ESCO2: variants seen among roughly 807,000 people sequenced by gnomAD.
ESCO2 encodes the protein N-acetyltransferase ESCO2.
In ESCO2, 51 loss-of-function variants were observed where a neutral mutation model predicts 61.7. The ratio of observed to expected loss-of-function variants is 0.83; its 90% CI spans 0.66 to 1.04. The LOEUF (loss-of-function observed/expected upper bound fraction) is 1.04, where lower values mean the gene tolerates loss of function less well. Ranked by LOEUF, ESCO2 falls within the 50% of genes least tolerant of loss-of-function variation. ESCO2 has a pLI of 0.00. For missense variants in ESCO2, 692 were observed against 686.2 expected, an observed-to-expected ratio of 1.01 and a Z score of -0.09; for synonymous variants, 230 against 238.2, an observed-to-expected ratio of 0.97 and a Z score of 0.32.
At chr8:27,784,662 C>G (rs1212392195) in intron 5 of ESCO2, among the ~76,000 whole-genome samples, 1 of 152,066 alleles carries the variant, frequency 6.6e-6, no homozygotes, top group Non-Finnish European at 1.5e-5. Flanking sequence ...GCTACCAGTA[C>G]CCAAGCTAAA....
chr8:27,780,066 C>T, intron 3 of ESCO2, 108 bp from the exon 4 acceptor site: 1 of 731,960 alleles, frequency 1.4e-6, no homozygotes, highest in East Asian at 2.5e-5. Context: ...AAATGTAATT[C>T]ATAATAAACC....
At chr8:27,772,415 G>T, upstream of ESCO2, 1 of 1,222,760 alleles carries the variant, frequency 8.2e-7, no homozygotes, top group African/African-American at 1.5e-5. Flanking sequence ...CATCCAGAAG[G>T]CATTTTAGAG....
At chr8:27,774,098 A>T (rs533076004), upstream of ESCO2, among the ~76,000 whole-genome samples, 1 of 152,332 alleles carries the variant, frequency 6.6e-6, no homozygotes, top group East Asian at 1.9e-4. Context: ...AGTTACTAAT[A>T]AAAAAAGTGA....
chr8:27,777,770 G>T (rs1252976035), intron 3 of ESCO2: 1 of 152,318 alleles, frequency 6.6e-6, no homozygotes, highest in South Asian at 2.1e-4. Flanking sequence ...CCTTAAGAGA[G>T]GTTGTCTCCA....
chr8:27,803,505 A>C lies in ESCO2; in HGVS notation c.*67A>C. On this transcript the variant is annotated 3_prime_UTR_variant, in exon 11 of 11. Transcript: ENST00000305188. The stretch of plus-strand genomic sequence containing the variant: ...CAAAGAGCTCCTTATTATAAAATAC[A>C]AACTATTTAATATCAAAATAAAAAA... 6.3e-7 allele frequency: 1 copy of C among 1,575,430 alleles called. No individual in the cohort carries two copies. Among genetic ancestry groups the C allele is most frequent in the East Asian group, 2.4e-5 (1 of 42,248 alleles).
At chr8:27,775,012 T>TG (rs1324320541) in intron 1 of ESCO2, among the ~76,000 whole-genome samples, 4 of 152,170 alleles carry the variant, frequency 2.6e-5, no homozygotes, top group Admixed American at 2.0e-4. Flanking sequence ...TGTGCTGCTT[T>TG]GGGGGGAATT....
intron 5 of ESCO2, among the ~76,000 whole-genome samples, chr8:27,786,616 C>T (rs911711913): frequency 1.3e-5 from 2 of 152,184 alleles, no homozygotes; most frequent in African/African-American, 2.4e-5. Context: ...AATAGTGTAT[C>T]TCTCACACAG....
downstream of ESCO2, among the ~76,000 whole-genome samples, chr8:27,816,687 T>C (rs73570371): frequency 0.017 from 2,661 of 152,124 alleles, 63 homozygotes; most frequent in African/African-American, 0.054. Context: ...GAATACTATA[T>C]TTTAGTTGTG....
At chr8:27,776,306 T>G in intron 2 of ESCO2, 56 bp from the exon 3 acceptor site, 1 of 1,431,880 alleles carries the variant, frequency 7.0e-7, no homozygotes, top group Non-Finnish European at 9.6e-7. Flanking sequence ...AGCAGTAGAT[T>G]TATGTAAATT....
intron 7 of ESCO2, 113 bp downstream of exon 7, chr8:27,789,091 T>C (rs1475328532): frequency 7.7e-7 from 1 of 1,291,274 alleles, no homozygotes; most frequent in Non-Finnish European, 1.1e-6. Context: ...TGATGATGTT[T>C]CAAGCTTACT....
chr8:27,773,049 A>G (rs1247955242), upstream of ESCO2, among the ~76,000 whole-genome samples: 2 of 152,104 alleles, frequency 1.3e-5, no homozygotes, highest in African/African-American at 4.8e-5. Flanking sequence ...AGTAGGAATA[A>G]TCATATTCAT....
At chr8:27,792,382 T>C (rs1157714486) in intron 8 of ESCO2, among the ~76,000 whole-genome samples, 1 of 152,232 alleles carries the variant, frequency 6.6e-6, no homozygotes, top group East Asian at 1.9e-4. Flanking sequence ...CCGTGAATAA[T>C]GAATAAAGCT....
chr8:27,790,281 C>T (rs1805147435), intron 7 of ESCO2, among the ~76,000 whole-genome samples: 1 of 152,154 alleles, frequency 6.6e-6, no homozygotes, highest in Admixed American at 6.5e-5. Context: ...AATATCATTC[C>T]TGGGTTACAA....
At chr8:27,801,103 T>C (rs1805413407) in intron 10 of ESCO2, among the ~76,000 whole-genome samples, 1 of 152,158 alleles carries the variant, frequency 6.6e-6, no homozygotes, top group African/African-American at 2.4e-5. Context: ...GAGTTATATC[T>C]CAACCAAAAA....
At position 27,803,958 on chromosome 8, in the gene ESCO2, C is replaced by G; in HGVS notation, c.*520C>G. On this transcript the variant is annotated 3_prime_UTR_variant, in exon 11 of 11. Transcript: ENST00000305188. The stretch of plus-strand genomic sequence containing the variant: ...GTCTCACTGTGTTGCCCAGGCTGGT[C>G]TGAAACTTTTGGGCTCAAGCGATCC... 1.0e-6 allele frequency: 1 copy of G among 986,638 alleles called. No homozygotes were observed. The highest frequency in any genetic ancestry group is 1.2e-6 in the Non-Finnish European group (1 of 831,614). 61.1% of individuals were successfully genotyped at this position (986,638 alleles called of 1,614,324 possible).
At chr8:27,791,518 G>GT (rs1372500657) in intron 7 of ESCO2, among the ~76,000 whole-genome samples, 3 of 152,200 alleles carry the variant, frequency 2.0e-5, no homozygotes, top group Admixed American at 6.5e-5. Context: ...TAAAATAGTT[G>GT]TAAGACTGCA....
chr8:27,811,068 T>A, downstream of ESCO2: 1 of 1,613,140 alleles, frequency 6.2e-7, no homozygotes, highest in Non-Finnish European at 8.5e-7. Context: ...AATAACACCA[T>A]TCTCCTCCAC....
chr8:27,777,763 TAA>T (rs1396839316), intron 3 of ESCO2: 3 of 152,372 alleles, frequency 2.0e-5, no homozygotes, highest in East Asian at 3.8e-4. Context: ...GAAGCAACCT[TAA>T]GAGAGGTTGT....
At position 27,787,976 on chromosome 8, in the gene ESCO2, A is replaced by G. The variant is rs202084183; in HGVS notation, c.1105A>G (p.Lys369Glu). 4.6e-4 allele frequency: 744 copies of G among 1,612,502 alleles called. No individual in the cohort carries two copies. Among genetic ancestry groups the G allele is most frequent in the Non-Finnish European group, 5.7e-4 (668 of 1,178,734 alleles). ...AAATACTAATACCAGAGATACAAGT[A>G]AAAAAACAAAAGACCAGCTCATCAT... The part of the protein sequence containing the change: ...QKNTNTRDTS[K>E]KTKDQLIIDA... The change falls in exon 6 of 11, where the codon AAA (lysine) becomes GAA (glutamate). Residue 369 changes from lysine (K) to glutamate (E), a missense_variant. Lys to Glu is a moderately conservative substitution (Grantham distance 56). Transcript: ENST00000305188.
Sources: allele counts gnomAD v4.1 joint callset (sites outside exome capture counted in the v4.1 genomes callset), GRCh38; gene constraint gnomAD v4.1.1; transcripts MANE v1.5; gene names NCBI Gene and HGNC (gene_info 2026-07-23, HGNC 2026-07-21).